The following TRIM5 variants were observed in gnomAD, a reference collection of about 807,000 sequenced individuals.
TRIM5 encodes the protein tripartite motif-containing protein 5.
Under a neutral mutation model 35.6 loss-of-function variants are expected in TRIM5, and 31 were observed. That is an observed-to-expected ratio of 0.87 (90% CI 0.65 to 1.18). The LOEUF (loss-of-function observed/expected upper bound fraction) is 1.18. Among genes scored for constraint, TRIM5 ranks in the 50% most tolerant of loss-of-function variants. TRIM5 has a pLI of 0.00. For missense variants in TRIM5, 609 were observed against 591.6 expected (o/e 1.03, Z -0.31); for synonymous variants, 243 against 215.6 (o/e 1.13, Z -1.11).
chr11:5,639,673 CT>C, the TRIM5 span, among the ~76,000 whole-genome samples: 6 of 58,162 alleles, frequency 1.0e-4, no homozygotes, highest in Admixed American at 1.7e-3. Context: ...GAGTGAGACT[CT>C]ATTTCAAAAA....
the TRIM5 span, among the ~76,000 whole-genome samples, chr11:5,608,869 GA>G: frequency 4.9e-5 from 1 of 20,516 alleles, no homozygotes; most frequent in Non-Finnish European, 8.2e-5. Context: ...TTTTTTTTTT[GA>G]GACAGAGTTT....
chr11:5,667,778 A>C (rs1240954885), intron 4 of TRIM5, 67 bp from the exon 5 acceptor site: 11 of 1,563,000 alleles, frequency 7.0e-6, no homozygotes, highest in Non-Finnish European at 8.8e-6. Flanking sequence ...AAGCTTCATC[A>C]CATTTCCCCC....
At chr11:5,611,343 A>G in the TRIM5 span, 1 of 1,610,202 alleles carries the variant, frequency 6.2e-7, no homozygotes, top group South Asian at 1.1e-5. Flanking sequence ...AAGCTCTTGA[A>G]TATTCTTCTG....
chr11:5,592,942 AAGAAAAAAG>A, the TRIM5 span, among the ~76,000 whole-genome samples: 1 of 132,738 alleles, frequency 7.5e-6, no homozygotes, highest in African/African-American at 2.5e-5. Flanking sequence ...AAAAAAGAAA[AAGAAAAAAG>A]AAGAAAAAAT....
At chr11:5,676,396 C>T (rs1406032812) in intron 4 of TRIM5, among the ~76,000 whole-genome samples, 1 of 151,820 alleles carries the variant, frequency 6.6e-6, no homozygotes, top group African/African-American at 2.4e-5. Context: ...ATCCAACTTA[C>T]AAGGGACGTG....
chr11:5,666,550 A>G (rs1005832710), intron 5 of TRIM5, among the ~76,000 whole-genome samples: 6 of 152,228 alleles, frequency 3.9e-5, no homozygotes, highest in Admixed American at 1.3e-4. Context: ...GACACATATC[A>G]AGAGAGGAAT....
At chr11:5,665,751 C>T in intron 6 of TRIM5, 69 bp from the exon 7 acceptor site, 3 of 1,474,410 alleles carry the variant, frequency 2.0e-6, no homozygotes, top group South Asian at 3.2e-5. Context: ...ATTTTCTCTC[C>T]AGATTAGGGA....
chr11:5,600,198 C>A, the TRIM5 span, among the ~76,000 whole-genome samples: 7 of 152,098 alleles, frequency 4.6e-5, no homozygotes, highest in Non-Finnish European at 8.8e-5. Context: ...CTGCAGCCTG[C>A]GTATCTGCAT....
chr11:5,664,976 C>T lies in TRIM5; in HGVS notation c.1315G>A (p.Gly439Arg), dbSNP rs1851010830. The change falls in exon 8 of 8, where the codon GGA becomes AGA. Residue 439 changes from glycine to arginine, a missense_variant. Physicochemically the swap from Gly to Arg is moderately radical, Grantham distance 125. Coordinates refer to ENST00000380034, the MANE Select transcript of TRIM5 (RefSeq NM_033034.3). ...LSVIICPDRV[G>R]VFLDYEACTV... ...CAAGCCTCATAGTCTAGGAAAACTCCAACACGATCAGGACAAATAATCACA... is the reference window on the plus strand; with the variant it reads ...CAAGCCTCATAGTCTAGGAAAACTCTAACACGATCAGGACAAATAATCACA... 1 of 1,613,950 alleles carries T rather than the reference C, an allele frequency of 6.2e-7. No individual in the cohort carries two copies. The highest frequency in any genetic ancestry group is 1.3e-5 in the African/African-American group (1 of 74,874).
At chr11:5,658,061 C>G in the TRIM5 span, among the ~76,000 whole-genome samples, 9 of 152,168 alleles carry the variant, frequency 5.9e-5, no homozygotes, top group Middle Eastern at 3.2e-3. Context: ...GGCCCACAGA[C>G]TTAGGTGAGG....
chr11:5,640,450 T>A, the TRIM5 span, among the ~76,000 whole-genome samples: 2 of 152,132 alleles, frequency 1.3e-5, no homozygotes, highest in Admixed American at 1.3e-4. Context: ...TGATTTTTTT[T>A]TATGTTGAAC....
the TRIM5 span, chr11:5,605,024 G>T: frequency 2.2e-6 from 1 of 451,580 alleles, no homozygotes; most frequent in East Asian, 4.5e-5. Context: ...TTCCACCTCA[G>T]TACTCGAAAT....
At chr11:5,596,807 AG>A in the TRIM5 span, 1 of 1,605,574 alleles carries the variant, frequency 6.2e-7, no homozygotes. Context: ...CTGTTCCTTA[AG>A]ATTAGTTTAA....
intron 4 of TRIM5, among the ~76,000 whole-genome samples, chr11:5,673,615 A>G (rs910862582): frequency 6.6e-6 from 1 of 152,164 alleles, no homozygotes; most frequent in Non-Finnish European, 1.5e-5. Flanking sequence ...AAATGAATGC[A>G]GAATACATAT....
rs182398825 is a variant in TRIM5 at position 5,684,943 on chromosome 11, C to A, written c.-137G>T. 9.2e-5 allele frequency: 14 copies of A among 152,374 alleles called. No homozygotes were observed. Among genetic ancestry groups the A allele is most frequent in the African/African-American group, 3.4e-4 (14 of 41,580 alleles). 9.4% of individuals were successfully genotyped at this position (152,374 alleles called of 1,614,324 possible). On this transcript the variant is annotated 5_prime_UTR_variant, in exon 1 of 8. Transcript: ENST00000380034. ...AAATCACTCAATACACCTTCAGACA[C>A]CAGTGCAGAAGTGGTGATTCTGGGG...
chr11:5,592,345 T>C, the TRIM5 span, among the ~76,000 whole-genome samples: 1 of 152,162 alleles, frequency 6.6e-6, no homozygotes, highest in African/African-American at 2.4e-5. Context: ...CCACATATAC[T>C]TGCATATTTA....
chr11:5,671,329 A>T (rs932094209), intron 4 of TRIM5, among the ~76,000 whole-genome samples: 2 of 151,068 alleles, frequency 1.3e-5, no homozygotes, highest in African/African-American at 4.9e-5. Context: ...AAAAAACCCC[A>T]CAAAACAATA....
chr11:5,626,070 A>G, the TRIM5 span, among the ~76,000 whole-genome samples: 1 of 152,194 alleles, frequency 6.6e-6, no homozygotes, highest in Non-Finnish European at 1.5e-5. Flanking sequence ...CTCACCCTTC[A>G]GAGTTCACTG....
the TRIM5 span, among the ~76,000 whole-genome samples, chr11:5,593,274 TTTTTC>T: frequency 1.3e-5 from 2 of 152,156 alleles, no homozygotes; most frequent in African/African-American, 4.8e-5. Context: ...AATATCTACT[TTTTTC>T]TTTTCTTTTG....
Sources: allele counts gnomAD v4.1 joint callset (sites outside exome capture counted in the v4.1 genomes callset), GRCh38; gene constraint gnomAD v4.1.1; transcripts MANE v1.5; gene names NCBI Gene and HGNC (gene_info 2026-07-23, HGNC 2026-07-21).